Variants in SLAMF6 observed in about 807,000 individuals in gnomAD.
The protein encoded by SLAMF6 is SLAM family member 6, also known as NK-T-B-antigen.
A neutral mutation model predicts 38.3 loss-of-function variants in SLAMF6; 21 were observed. That is an observed-to-expected ratio of 0.55 (90% CI 0.39 to 0.79). The LOEUF (loss-of-function observed/expected upper bound fraction) is 0.79, where lower values mean the gene tolerates loss of function less well. Among genes scored for constraint, SLAMF6 ranks in the 30% least tolerant of loss-of-function variants. The probability of loss-of-function intolerance (pLI) is 0.00; values close to 1 mark genes in which losing one functional copy is unlikely to be tolerated. For synonymous variants in SLAMF6, 152 were observed against 146.3 expected (o/e 1.04, Z -0.28); for missense variants, 341 against 385.3 (o/e 0.89, Z 0.96).
intron 1 of SLAMF6, among the ~76,000 whole-genome samples, chr1:160,506,603 T>G (rs1388063906): frequency 6.6e-6 from 1 of 152,176 alleles, no homozygotes; most frequent in Non-Finnish European, 1.5e-5. Context: ...AAGGTAAATC[T>G]GACTGCATAG....
Position 160,485,630 on chromosome 1 carries a change from G to A in SLAMF6, c.*1077C>T, listed in dbSNP as rs1343538032. 6.6e-6 allele frequency: 1 copy of A among 152,220 alleles called. No homozygotes were observed. The highest frequency in any genetic ancestry group is 2.4e-5 in the African/African-American group (1 of 41,406). 9.4% of individuals were successfully genotyped at this position (152,220 alleles called of 1,614,324 possible). ...ACTGGATTTCTTTCTGAGTGCATTG[G>A]GAAACCTGCAGGGTTTTAAGCAGGA... On this transcript the variant is annotated 3_prime_UTR_variant, in exon 8 of 8. Transcript: ENST00000368057.
At chr1:160,508,435 C>T (rs1654305634) in intron 1 of SLAMF6, among the ~76,000 whole-genome samples, 1 of 152,098 alleles carries the variant, frequency 6.6e-6, no homozygotes. Flanking sequence ...ATAAATGGTG[C>T]TGGGAAAACT....
intron 1 of SLAMF6, among the ~76,000 whole-genome samples, chr1:160,516,238 A>T (rs1027165425): frequency 3.3e-5 from 5 of 152,186 alleles, no homozygotes; most frequent in African/African-American, 1.2e-4. Flanking sequence ...ATCATGAATG[A>T]ACTCCCATTC....
rs1402499264 is a variant in SLAMF6 at position 160,485,906 on chromosome 1, A to G, written c.*801T>C. 6.6e-6 allele frequency: 1 copy of G among 152,630 alleles called. No homozygotes were observed. The highest frequency in any genetic ancestry group is 2.4e-5 in the African/African-American group (1 of 41,456). The allele number at this position is 152,630 out of a possible 1,614,324, so 9.5% of individuals were successfully genotyped here. A position where few individuals can be genotyped will look rare whatever the true frequency, so the allele number is the denominator to read the frequency against. ...GACACTGGAGTCAGGGATGACTTAG[A>G]TTCTTGGCTCAAACAATGGAGCTGA... On this transcript the variant is annotated 3_prime_UTR_variant, in exon 8 of 8. Coordinates refer to ENST00000368057, the MANE Select transcript of SLAMF6 (RefSeq NM_001184714.2).
intron 1 of SLAMF6, among the ~76,000 whole-genome samples, chr1:160,516,940 A>G (rs781492315): frequency 2.6e-5 from 4 of 152,252 alleles, no homozygotes; most frequent in Non-Finnish European, 5.9e-5. Context: ...CATTCAGGAC[A>G]TAGGCATGGG....
At chr1:160,492,034 C>T (rs534604144) in intron 2 of SLAMF6, among the ~76,000 whole-genome samples, 17 of 152,228 alleles carry the variant, frequency 1.1e-4, no homozygotes, top group Non-Finnish European at 2.1e-4. Flanking sequence ...GGTGAGAAAG[C>T]AAGCAAGCAA....
chr1:160,493,884 C>T (rs533993539), intron 2 of SLAMF6, among the ~76,000 whole-genome samples: 6 of 152,146 alleles, frequency 3.9e-5, no homozygotes, highest in East Asian at 1.9e-4. Flanking sequence ...GGAAGTGCCA[C>T]GCTTAATACC....
chr1:160,491,549 T>A, intron 2 of SLAMF6, 161 bp from the exon 3 acceptor site: 1 of 564,632 alleles, frequency 1.8e-6, no homozygotes, highest in Non-Finnish European at 2.2e-6. Flanking sequence ...TAATTGATGG[T>A]AGCAAGGTCT....
intron 1 of SLAMF6, among the ~76,000 whole-genome samples, chr1:160,497,907 G>A (rs1653678410): frequency 6.6e-6 from 1 of 152,032 alleles, no homozygotes; most frequent in African/African-American, 2.4e-5. Context: ...TTGATTCTGT[G>A]TCTTTGCTAT....
intron 4 of SLAMF6, 47 bp downstream of exon 4, chr1:160,490,528 T>G: frequency 6.3e-7 from 1 of 1,595,590 alleles, no homozygotes. Context: ...AAACTCTCAA[T>G]CACTGGAACC....
chr1:160,490,044 A>G, intron 5 of SLAMF6, 154 bp downstream of exon 5: 1 of 861,938 alleles, frequency 1.2e-6, no homozygotes. Flanking sequence ...AGGACCCATG[A>G]TTACAGATCA....
chr1:160,502,089 A>G (rs574362954), intron 1 of SLAMF6, among the ~76,000 whole-genome samples: 7 of 152,304 alleles, frequency 4.6e-5, no homozygotes, highest in South Asian at 2.1e-4. Context: ...CAGAGGGCAC[A>G]TGGAGGTCCT....
intron 1 of SLAMF6, among the ~76,000 whole-genome samples, chr1:160,512,715 G>A (rs1321646245): frequency 1.3e-5 from 2 of 152,134 alleles, no homozygotes; most frequent in Non-Finnish European, 2.9e-5. Context: ...GGTGGGGAGG[G>A]ACCCAGGTGA....
At chr1:160,500,623 T>C (rs566564398) in intron 1 of SLAMF6, among the ~76,000 whole-genome samples, 1 of 152,250 alleles carries the variant, frequency 6.6e-6, no homozygotes, top group African/African-American at 2.4e-5. Flanking sequence ...AATTTAAATA[T>C]TTGTTTTTGT....
Position 160,502,896 on chromosome 1 carries a change from AG to A in SLAMF6, c.50-6504del, listed in dbSNP as rs141988469. The stretch of plus-strand genomic sequence containing the variant: ...GAGAAACATAGTCAGGATATTGAGA[AG>A]GTAGGACAAATGGAAGTTACTCTTT... On this transcript the variant is annotated intron_variant, in intron 1 of 7. Transcript: ENST00000368057. 8.5e-3 allele frequency among the ~76,000 whole-genome samples: 1,295 copies of A among 152,318 alleles called. 26 individuals are homozygous for A. Among genetic ancestry groups the A allele is most frequent in the African/African-American group, 0.03 (1,246 of 41,572 alleles).
At chr1:160,496,457 C>A in intron 1 of SLAMF6, 64 bp from the exon 2 acceptor site, 1 of 1,516,268 alleles carries the variant, frequency 6.6e-7, no homozygotes, top group Non-Finnish European at 9.0e-7. Flanking sequence ...AGTCCTGCAC[C>A]CTTTCACCTA....
chr1:160,518,672 C>G (rs1486816723), intron 1 of SLAMF6, among the ~76,000 whole-genome samples: 2 of 151,718 alleles, frequency 1.3e-5, no homozygotes, highest in African/African-American at 4.8e-5. Flanking sequence ...AATGCAGGAA[C>G]AGAAAGCCAA....
chr1:160,487,706 A>G (rs1216332160), intron 6 of SLAMF6, among the ~76,000 whole-genome samples: 2 of 152,174 alleles, frequency 1.3e-5, no homozygotes, highest in Middle Eastern at 3.2e-3. Flanking sequence ...AATGCACATT[A>G]CAGAAATAAT....
rs1652927679 is a variant in SLAMF6 at position 160,485,669 on chromosome 1, A to T, written c.*1038T>A. 1 of 152,548 alleles carries T rather than the reference A, an allele frequency of 6.6e-6. No individual in the cohort carries two copies. The highest frequency in any genetic ancestry group is 6.5e-5 in the Admixed American group (1 of 15,280). The allele number at this position is 152,548 out of a possible 1,614,324, so 9.4% of individuals were successfully genotyped here. A position where few individuals can be genotyped will look rare whatever the true frequency, so the allele number is the denominator to read the frequency against. On this transcript the variant is annotated 3_prime_UTR_variant, in exon 8 of 8. Coordinates refer to ENST00000368057, the MANE Select transcript of SLAMF6 (RefSeq NM_001184714.2). ...TTTTAAGCAGGAAACTGAAGGATCCAATTTATATTAAAAACATTACTCTGG... is the reference window on the plus strand; with the variant it reads ...TTTTAAGCAGGAAACTGAAGGATCCTATTTATATTAAAAACATTACTCTGG...
Sources: allele counts gnomAD v4.1 joint callset (sites outside exome capture counted in the v4.1 genomes callset), GRCh38; gene constraint gnomAD v4.1.1; transcripts MANE v1.5; gene names NCBI Gene and HGNC (gene_info 2026-07-23, HGNC 2026-07-21).